The following LRP1B variants were observed in gnomAD, a reference collection of about 807,000 sequenced individuals.
LRP1B encodes the protein low-density lipoprotein receptor-related protein 1B.
A neutral mutation model predicts 556.6 loss-of-function variants in LRP1B; 217 were observed. The observed-to-expected ratio is 0.39, with a 90% CI of 0.35 to 0.44. LRP1B has a LOEUF of 0.44. LRP1B is among the 20% of genes least tolerant of loss of function. The pLI, the probability that LRP1B is intolerant of heterozygous loss-of-function variation, is 1.00. For synonymous variants in LRP1B, 2,047 were observed against 1,865.8 expected (o/e 1.10, Z -2.50); for missense variants, 5,053 against 5,620.8 (o/e 0.90, Z 3.23).
intron 66 of LRP1B, among the ~76,000 whole-genome samples, chr2:140,419,401 A>G (rs1685338799): frequency 6.6e-6 from 1 of 152,214 alleles, no homozygotes; most frequent in South Asian, 2.1e-4. Context: ...AAGTACACAT[A>G]CACAAAAATT....
chr2:140,331,255 G>A (rs1047317724), intron 79 of LRP1B, among the ~76,000 whole-genome samples: 3 of 152,026 alleles, frequency 2.0e-5, no homozygotes, highest in Non-Finnish European at 4.4e-5. Flanking sequence ...AAAGGAATGC[G>A]ATCATGTCCT....
intron 7 of LRP1B, among the ~76,000 whole-genome samples, chr2:141,102,471 T>C (rs780344948): frequency 6.6e-6 from 1 of 152,084 alleles, no homozygotes; most frequent in Non-Finnish European, 1.5e-5. Flanking sequence ...ACCGTGCTCA[T>C]ATCTATCCAC....
intron 25 of LRP1B, among the ~76,000 whole-genome samples, chr2:140,869,780 A>G (rs969852396): frequency 1.3e-5 from 2 of 152,062 alleles, no homozygotes; most frequent in African/African-American, 4.8e-5. Context: ...GATATTGTGT[A>G]TAGGGGTTCC....
chr2:141,604,596 A>G lies in LRP1B; in HGVS notation c.206-124063T>C, dbSNP rs185533689. On this transcript the variant is annotated intron_variant, in intron 2 of 90. Coordinates refer to ENST00000389484, the MANE Select transcript of LRP1B (RefSeq NM_018557.3). ...GATCCTCAACCTTCACCTATTTTAC[A>G]AATACCTACCTTTCCCTAACTGGTG... 3.9e-5 allele frequency among the ~76,000 whole-genome samples: 6 copies of G among 152,244 alleles called. No homozygotes were observed. In the East Asian group the frequency reaches 9.7e-4, roughly 25 times the overall value.
At chr2:141,490,025 T>C (rs1295136869) in intron 2 of LRP1B, among the ~76,000 whole-genome samples, 1 of 152,156 alleles carries the variant, frequency 6.6e-6, no homozygotes, top group Non-Finnish European at 1.5e-5. Context: ...TAAAGGTGAT[T>C]GATTTTGTCC....
chr2:141,203,237 A>G (rs753052918), intron 6 of LRP1B, among the ~76,000 whole-genome samples: 9 of 152,308 alleles, frequency 5.9e-5, no homozygotes, highest in Non-Finnish European at 1.2e-4. Flanking sequence ...TAAAAGACAC[A>G]GAGTGGCAAA....
At chr2:142,043,505 G>T (rs926761137) in intron 1 of LRP1B, among the ~76,000 whole-genome samples, 1 of 151,406 alleles carries the variant, frequency 6.6e-6, no homozygotes, top group African/African-American at 2.4e-5. Context: ...ATTTAGAAGA[G>T]AAAAAAATAG....
chr2:140,394,130 T>A (rs1365898364), intron 66 of LRP1B, among the ~76,000 whole-genome samples: 3 of 143,068 alleles, frequency 2.1e-5, no homozygotes, highest in African/African-American at 4.9e-5. Flanking sequence ...ACATATTTTT[T>A]TTTTTTTTTT....
chr2:141,550,768 T>C (rs957047519), intron 2 of LRP1B, among the ~76,000 whole-genome samples: 1 of 152,142 alleles, frequency 6.6e-6, no homozygotes, highest in East Asian at 1.9e-4. Context: ...AAAATAAGAA[T>C]GTACAATCTA....
chr2:140,338,381 A>G (rs1681205601), intron 77 of LRP1B, among the ~76,000 whole-genome samples: 1 of 151,786 alleles, frequency 6.6e-6, no homozygotes, highest in African/African-American at 2.4e-5. Context: ...AGAGAGAATA[A>G]CAAAACAAAA....
At chr2:141,589,797 T>C (rs1280152554) in intron 2 of LRP1B, among the ~76,000 whole-genome samples, 2 of 152,174 alleles carry the variant, frequency 1.3e-5, no homozygotes, top group Admixed American at 1.3e-4. Context: ...GTTTATTGAG[T>C]AGGCAAACTA....
At chr2:141,708,399 T>G (rs1692231253) in intron 2 of LRP1B, among the ~76,000 whole-genome samples, 1 of 152,018 alleles carries the variant, frequency 6.6e-6, no homozygotes, top group South Asian at 2.1e-4. Context: ...ACAGAGTTGG[T>G]TTTTCCCTTT....
chr2:141,832,327 TCACACACACACACA>T (rs869062999), intron 1 of LRP1B, among the ~76,000 whole-genome samples: 3 of 143,860 alleles, frequency 2.1e-5, no homozygotes, highest in East Asian at 4.0e-4. Context: ...TCTTTCTCTC[TCACACACACACACA>T]CACACACACA....
chr2:141,713,571 T>C (rs1226811411), intron 2 of LRP1B, among the ~76,000 whole-genome samples: 2 of 152,174 alleles, frequency 1.3e-5, no homozygotes, highest in African/African-American at 2.4e-5. Flanking sequence ...TTAACTCTAA[T>C]ATACAAAGCT....
intron 1 of LRP1B, among the ~76,000 whole-genome samples, chr2:141,890,111 T>C (rs1699238355): frequency 6.6e-6 from 1 of 151,958 alleles, no homozygotes; most frequent in South Asian, 2.1e-4. Context: ...ATCATTTATA[T>C]CTATCTTATT....
At chr2:141,160,302 T>C (rs186490258) in intron 7 of LRP1B, among the ~76,000 whole-genome samples, 4 of 152,278 alleles carry the variant, frequency 2.6e-5, no homozygotes, top group African/African-American at 7.2e-5. Flanking sequence ...AGATCTCTCA[T>C]ATATTGCTGG....
chr2:141,181,865 T>A (rs1263074864), intron 7 of LRP1B, among the ~76,000 whole-genome samples: 1 of 151,798 alleles, frequency 6.6e-6, no homozygotes, highest in Non-Finnish European at 1.5e-5. Context: ...TAACAAAAAA[T>A]TTAATTAATG....
At chr2:140,864,776 G>C (rs551710763) in intron 27 of LRP1B, among the ~76,000 whole-genome samples, 140 of 152,076 alleles carry the variant, frequency 9.2e-4, no homozygotes, top group African/African-American at 3.2e-3. Context: ...CCTACATTGT[G>C]TTAAATGGTG....
At chr2:140,920,410 T>G (rs182197524) in intron 21 of LRP1B, among the ~76,000 whole-genome samples, 4 of 152,216 alleles carry the variant, frequency 2.6e-5, no homozygotes, top group African/African-American at 9.6e-5. Flanking sequence ...TTACCATATA[T>G]AAATTAATTA....
Sources: allele counts gnomAD v4.1 joint callset (sites outside exome capture counted in the v4.1 genomes callset), GRCh38; gene constraint gnomAD v4.1.1; transcripts MANE v1.5; gene names NCBI Gene and HGNC (gene_info 2026-07-23, HGNC 2026-07-21).